Variants in PRXL2A observed in about 807,000 individuals in gnomAD.
PRXL2A encodes peroxiredoxin like 2A, also known as peroxiredoxin-like 2A.
A neutral mutation model predicts 25.6 loss-of-function variants in PRXL2A; 26 were observed. That is an observed-to-expected ratio of 1.02 (90% CI 0.74 to 1.41). PRXL2A has a LOEUF of 1.41. Ranked by LOEUF, PRXL2A falls within the 40% of genes most tolerant of loss-of-function variation. PRXL2A has a pLI of 0.00. For missense variants in PRXL2A, 246 were observed against 273.9 expected, an observed-to-expected ratio of 0.90 and a Z score of 0.72; for synonymous variants, 98 against 102.9, an observed-to-expected ratio of 0.95 and a Z score of 0.29.
intron 5 of PRXL2A, among the ~76,000 whole-genome samples, chr10:80,428,963 G>A (rs1032929221): frequency 2.0e-5 from 3 of 151,856 alleles, no homozygotes; most frequent in Non-Finnish European, 4.4e-5. Flanking sequence ...GTGCAGTGGT[G>A]CGATCTCGGC....
rs201956373 is a variant in PRXL2A, at chr10:80,427,476, G to T, written c.556G>T (p.Val186Leu). 6.2e-7 allele frequency: 1 copy of T among 1,614,128 alleles called. No homozygotes were observed. Among genetic ancestry groups the T allele is most frequent in the Admixed American group, 1.7e-5 (1 of 60,028 alleles). ...GEGFILGGVF[V>L]VGSGKQGILL... ...AGGCTTCATCCTTGGGGGAGTTTTC[G>T]TGGTGGGATCAGGAAAGCAGGTGAG... The change falls in exon 5 of 6, where the codon GTG becomes TTG. Residue 186 changes from valine (V) to leucine (L), a missense_variant. Physicochemically the swap from Val to Leu is conservative, Grantham distance 32 (BLOSUM62 1). Transcript: ENST00000606162.
At chr10:80,415,870 AC>A in intron 1 of PRXL2A, among the ~76,000 whole-genome samples, 1 of 152,258 alleles carries the variant, frequency 6.6e-6, no homozygotes, top group African/African-American at 2.4e-5. Flanking sequence ...TGTGGAGCTG[AC>A]TGTGAGGGGC....
intron 5 of PRXL2A, among the ~76,000 whole-genome samples, chr10:80,428,342 G>T (rs1484904113): frequency 2.0e-5 from 3 of 152,174 alleles, no homozygotes; most frequent in African/African-American, 7.2e-5. Context: ...AGGCCAGGAG[G>T]ATGTGTAGCA....
Position 80,420,657 on chromosome 10 carries a change from C to CCGTCA in PRXL2A, c.178+13_178+14insGTCAC, listed in dbSNP as rs746791017. ...AACACTGGAGAAGGGTAAGTGGTGA[C>CCGTCA]CCTTCAGGTCTCAGTACTTTTCCAA... is the stretch of plus-strand genomic sequence containing the variant. On this transcript the variant is annotated intron_variant, in intron 2 of 5. Transcript: ENST00000606162. The CCGTCA allele has an allele frequency of 3.8e-6, 6 of 1,564,066 alleles. No individual in the cohort carries two copies. The highest frequency in any genetic ancestry group is 5.2e-6 in the Non-Finnish European group (6 of 1,149,118).
intron 1 of PRXL2A, among the ~76,000 whole-genome samples, chr10:80,417,755 T>G (rs933883976): frequency 3.3e-5 from 3 of 91,350 alleles, no homozygotes; most frequent in African/African-American, 1.0e-4. Flanking sequence ...TCTTTTTTTT[T>G]TTGTTTTTTT....
chr10:80,426,006 G>GGT lies in PRXL2A; in HGVS notation c.411+8_411+9dup. ...AAGGAGAAATCTTCCTGGATGAAAA[G>GGT]GTGTGTGTGATGGGAGGCTTTTAGA... On this transcript the variant is annotated frameshift_variant and splice_region_variant. Transcript: ENST00000606162. LOFTEE classifies it high-confidence loss of function. 1 of 1,614,214 alleles carries GGT rather than the reference G, an allele frequency of 6.2e-7. No homozygotes were observed. Among genetic ancestry groups the GGT allele is most frequent in the South Asian group, 1.1e-5 (1 of 91,084 alleles).
chr10:80,430,656 A>C lies in PRXL2A; in HGVS notation c.577-1330A>C, dbSNP rs540186712. ...GCAAGACCCTGTCTGTAAATAAATA[A>C]ATAAAAAGTGTGTTTGCACTACAGA... On this transcript the variant is annotated intron_variant, in intron 5 of 5. Coordinates refer to ENST00000606162, the MANE Select transcript of PRXL2A (RefSeq NM_032333.5). 1.6e-4 allele frequency among the ~76,000 whole-genome samples: 24 copies of C among 152,216 alleles called. 2 individuals are homozygous for C. The South Asian group carries it at 3.7e-3, about 24-fold the overall frequency.
At chr10:80,408,169 T>TA (rs11460235), upstream of PRXL2A, among the ~76,000 whole-genome samples, 44,797 of 141,092 alleles carry the variant, frequency 0.32, 7,447 homozygotes, top group African/African-American at 0.44. Context: ...CCATGGAGGT[T>TA]AAAAAAAAAA....
At chr10:80,423,746 C>T (rs1288282070) in intron 3 of PRXL2A, among the ~76,000 whole-genome samples, 3 of 151,946 alleles carry the variant, frequency 2.0e-5, no homozygotes, top group African/African-American at 7.3e-5. Flanking sequence ...AACAAAGCCA[C>T]CCGGATCGGG....
intron 3 of PRXL2A, among the ~76,000 whole-genome samples, chr10:80,423,570 A>G (rs748030159): frequency 6.6e-6 from 1 of 152,092 alleles, no homozygotes; most frequent in Non-Finnish European, 1.5e-5. Context: ...CTGGTGAAGA[A>G]TCCACTTGCA....
chr10:80,413,923 G>A, intron 1 of PRXL2A: 1 of 1,150,318 alleles, frequency 8.7e-7, no homozygotes, highest in Non-Finnish European at 1.1e-6. Context: ...TTGGGGGTAA[G>A]AGACCGTTTG....
chr10:80,424,489 G>C (rs1844971236), intron 3 of PRXL2A, among the ~76,000 whole-genome samples: 1 of 150,956 alleles, frequency 6.6e-6, no homozygotes, highest in African/African-American at 2.4e-5. Context: ...GAGGCCGAGG[G>C]AGGAAGATTG....
chr10:80,424,394 C>A (rs1304313721), intron 3 of PRXL2A, among the ~76,000 whole-genome samples: 1 of 103,626 alleles, frequency 9.7e-6, no homozygotes, highest in Non-Finnish European at 1.7e-5. Flanking sequence ...CATAGCGAGA[C>A]CCTGTCTCTA....
chr10:80,424,738 G>A (rs1244064511), intron 3 of PRXL2A, among the ~76,000 whole-genome samples: 1 of 152,126 alleles, frequency 6.6e-6, no homozygotes, highest in African/African-American at 2.4e-5. Flanking sequence ...GTGCGCCCCT[G>A]TAATCCCAGT....
intron 4 of PRXL2A, among the ~76,000 whole-genome samples, chr10:80,426,606 T>TC (rs1845050088): frequency 6.6e-6 from 1 of 152,184 alleles, no homozygotes; most frequent in African/African-American, 2.4e-5. Flanking sequence ...TAGCTGAAAC[T>TC]CCAACAGGTT....
At chr10:80,427,271 C>A in intron 4 of PRXL2A, 61 bp from the exon 5 acceptor site, 1 of 1,501,318 alleles carries the variant, frequency 6.7e-7, no homozygotes, top group South Asian at 1.2e-5. Context: ...GGAGCGTTTC[C>A]TCCTTGAGGA....
chr10:80,425,598 G>A (rs775454515), intron 3 of PRXL2A, among the ~76,000 whole-genome samples: 4 of 152,244 alleles, frequency 2.6e-5, no homozygotes, highest in African/African-American at 4.8e-5. Flanking sequence ...AGAGGAGCGT[G>A]TGTCTGCTGG....
intron 5 of PRXL2A, among the ~76,000 whole-genome samples, chr10:80,429,611 T>C (rs1312059489): frequency 1.6e-5 from 1 of 60,968 alleles, no homozygotes; most frequent in Non-Finnish European, 3.1e-5. Flanking sequence ...TGCCCTGCCC[T>C]GCCCCTAGCC....
intron 1 of PRXL2A, among the ~76,000 whole-genome samples, chr10:80,418,346 C>T (rs118121805): frequency 0.022 from 3,399 of 152,284 alleles, 48 homozygotes; most frequent in Non-Finnish European, 0.031. Context: ...GACATGATTT[C>T]GTTCTTTTTT....
Sources: gnomAD v4.1 joint callset for allele counts (sites outside exome capture counted in the v4.1 genomes callset) on GRCh38, gnomAD v4.1.1 for gene constraint, MANE v1.5 for transcripts, NCBI Gene and HGNC (gene_info 2026-07-23, HGNC 2026-07-21) for gene names.